Variants in NUDCD3 observed in about 807,000 individuals in gnomAD.
The protein encoded by NUDCD3 is NudC domain containing 3.
NUDCD3 carries 13 observed loss-of-function variants against 39.7 expected under a neutral mutation model. That is an observed-to-expected ratio of 0.33 (90% confidence interval 0.21 to 0.52). The LOEUF (loss-of-function observed/expected upper bound fraction) is 0.52. NUDCD3 is among the 20% of genes least tolerant of loss of function. The pLI, the probability that NUDCD3 is intolerant of heterozygous loss-of-function variation, is 0.96. For missense variants in NUDCD3, 453 were observed against 458.1 expected (o/e 0.99, Z 0.10); for synonymous variants, 175 against 172.4 (o/e 1.02, Z -0.12).
intron 1 of NUDCD3, chr7:44,490,036 A>C: frequency 5.7e-6 from 1 of 176,304 alleles, no homozygotes; most frequent in Non-Finnish European, 1.2e-5. Context: ...CGCCAGCTCA[A>C]GTCTTTGGTA....
intron 2 of NUDCD3, chr7:44,467,933 G>A (rs375045208): frequency 9.8e-5 from 157 of 1,608,416 alleles, no homozygotes; most frequent in Middle Eastern, 3.3e-4. Context: ...GCCCAAGATC[G>A]TCAAAAAGAG....
intron 4 of NUDCD3, among the ~76,000 whole-genome samples, chr7:44,394,050 A>C (rs1224725135): frequency 1.3e-5 from 2 of 152,210 alleles, no homozygotes; most frequent in African/African-American, 4.8e-5. Flanking sequence ...GAGCCCAGGG[A>C]TCAAGTCCGA....
intron 3 of NUDCD3, among the ~76,000 whole-genome samples, chr7:44,407,496 C>A (rs1480701525): frequency 6.9e-6 from 1 of 144,146 alleles, no homozygotes; most frequent in African/African-American, 2.6e-5. Flanking sequence ...ACCTGGGAGG[C>A]AGAGGTTGCG....
intron 2 of NUDCD3, among the ~76,000 whole-genome samples, chr7:44,472,379 T>C (rs1800272902): frequency 6.6e-6 from 1 of 152,120 alleles, no homozygotes; most frequent in Admixed American, 6.6e-5. Flanking sequence ...AATAAAAAGA[T>C]TAAAATTCTA....
intron 2 of NUDCD3, among the ~76,000 whole-genome samples, chr7:44,483,778 C>T (rs527360929): frequency 2.0e-5 from 3 of 151,956 alleles, no homozygotes; most frequent in East Asian, 3.9e-4. Context: ...AACTCCCCCA[C>T]AGCCTAGGCA....
intron 4 of NUDCD3, among the ~76,000 whole-genome samples, chr7:44,400,821 A>G (rs768285815): frequency 6.6e-6 from 1 of 152,120 alleles, no homozygotes; most frequent in Non-Finnish European, 1.5e-5. Context: ...TGTTTCTTAT[A>G]AAGACAGGTG....
intron 2 of NUDCD3, 57 bp from the exon 3 acceptor site, chr7:44,427,760 T>C (rs1398684272): frequency 4.4e-6 from 7 of 1,587,456 alleles, no homozygotes; most frequent in South Asian, 2.3e-5. Flanking sequence ...GAGGACCCCA[T>C]GGGCAGCCTA....
At chr7:44,490,195 C>T (rs1800703682) in intron 1 of NUDCD3, 1 of 542,698 alleles carries the variant, frequency 1.8e-6, no homozygotes, top group South Asian at 2.4e-5. Context: ...CGGCTTACTA[C>T]TTCTGAAACC....
chr7:44,386,822 G>A (rs1395033995), intron 5 of NUDCD3, among the ~76,000 whole-genome samples: 2 of 152,138 alleles, frequency 1.3e-5, no homozygotes, highest in Non-Finnish European at 2.9e-5. Context: ...TCAGTGTGTG[G>A]CCATGGCAGG....
chr7:44,395,173 G>A (rs1798600367), intron 4 of NUDCD3, among the ~76,000 whole-genome samples: 1 of 152,188 alleles, frequency 6.6e-6, no homozygotes, highest in South Asian at 2.1e-4. Flanking sequence ...AAATCAAGTA[G>A]GTTTTAAATT....
chr7:44,408,990 T>C (rs1202277575), intron 3 of NUDCD3, among the ~76,000 whole-genome samples: 1 of 151,986 alleles, frequency 6.6e-6, no homozygotes, highest in Non-Finnish European at 1.5e-5. Flanking sequence ...AACCCAGGAG[T>C]GTCTGTTGAA....
intron 2 of NUDCD3, among the ~76,000 whole-genome samples, chr7:44,463,680 C>A (rs1374344778): frequency 6.6e-5 from 10 of 152,036 alleles, no homozygotes; most frequent in African/African-American, 2.4e-4. Flanking sequence ...ACATTAAAAA[C>A]TGGAATCACT....
At chr7:44,483,018 T>C (rs10268050) in intron 2 of NUDCD3, among the ~76,000 whole-genome samples, 21,021 of 151,912 alleles carry the variant, frequency 0.14, 1,907 homozygotes, top group Non-Finnish European at 0.21. Flanking sequence ...TGAAGACAGG[T>C]CAACAGAAAA....
At chr7:44,448,002 C>T (rs1799718041) in intron 2 of NUDCD3, among the ~76,000 whole-genome samples, 2 of 152,188 alleles carry the variant, frequency 1.3e-5, no homozygotes, top group South Asian at 2.1e-4. Flanking sequence ...ATTCTGGCCT[C>T]ACCCCAGTTC....
At chr7:44,475,718 C>T (rs2116971196) in intron 2 of NUDCD3, among the ~76,000 whole-genome samples, 1 of 151,860 alleles carries the variant, frequency 6.6e-6, no homozygotes, top group South Asian at 2.1e-4. Context: ...TACAATTGCA[C>T]CGTGCTCCAC....
chr7:44,381,697 G>A lies in NUDCD3; in HGVS notation c.*4314C>T, dbSNP rs890943475. ...GTTTCCTAAGCTGTCCTTCTCCAGG[G>A]AGAATAGCCTCAGCCCTGCCTGACA... On this transcript the variant is annotated 3_prime_UTR_variant, in exon 6 of 6. Coordinates refer to ENST00000355451, the MANE Select transcript of NUDCD3 (RefSeq NM_015332.4). 4 of 152,202 alleles carry A rather than the reference G, an allele frequency of 2.6e-5. No homozygotes were observed. The highest frequency in any genetic ancestry group is 5.9e-5 in the Non-Finnish European group (4 of 68,058). 9.4% of individuals were successfully genotyped at this position (152,202 alleles called of 1,614,324 possible).
intron 3 of NUDCD3, chr7:44,425,989 C>T: frequency 7.5e-6 from 2 of 267,258 alleles, no homozygotes; most frequent in Non-Finnish European, 1.2e-5. Flanking sequence ...GGTGTGGCTC[C>T]AGTGGCGCAA....
rs940162110 is a variant in NUDCD3, at chr7:44,382,963, G to C, written c.*3048C>G. The C allele has an allele frequency of 2.0e-5, 3 of 152,308 alleles. No homozygotes were observed. The highest frequency in any genetic ancestry group is 7.2e-5 in the African/African-American group (3 of 41,464). 9.4% of individuals were successfully genotyped at this position (152,308 alleles called of 1,614,324 possible). A position where few individuals can be genotyped will look rare whatever the true frequency, so the allele number is the denominator to read the frequency against. On this transcript the variant is annotated 3_prime_UTR_variant, in exon 6 of 6. Coordinates refer to ENST00000355451, the MANE Select transcript of NUDCD3 (RefSeq NM_015332.4). ...TCTGGCGGGTTATTTCTGGCCCTGG[G>C]AGTATGCTAGGCAATTCTAAGGATT...
At chr7:44,418,220 AT>A (rs1228517538) in intron 3 of NUDCD3, among the ~76,000 whole-genome samples, 2 of 152,214 alleles carry the variant, frequency 1.3e-5, no homozygotes, top group East Asian at 3.9e-4. Flanking sequence ...CGAGGCAGGA[AT>A]GGGACTAAGC....
Sources: allele counts gnomAD v4.1 joint callset (sites outside exome capture counted in the v4.1 genomes callset), GRCh38; gene constraint gnomAD v4.1.1; transcripts MANE v1.5; gene names NCBI Gene and HGNC (gene_info 2026-07-23, HGNC 2026-07-21).